KNDC1: variants seen among roughly 807,000 people sequenced by gnomAD.
KNDC1 encodes kinase non-catalytic C-lobe domain containing 1.
Under a neutral mutation model 172.8 loss-of-function variants are expected in KNDC1, and 106 were observed. That is an observed-to-expected ratio of 0.61 (90% confidence interval 0.52 to 0.72). The LOEUF is 0.72. KNDC1 is among the 30% of genes least tolerant of loss of function. The pLI, the probability that KNDC1 is intolerant of heterozygous loss-of-function variation, is 0.00. For synonymous variants in KNDC1, 1,083 were observed against 1,062.2 expected (o/e 1.02, Z -0.38); for missense variants, 2,325 against 2,394.5 (o/e 0.97, Z 0.61).
At chr10:133,160,611 G>T in intron 1 of KNDC1, 42 bp downstream of exon 1, 1 of 1,434,070 alleles carries the variant, frequency 7.0e-7, no homozygotes, top group Non-Finnish European at 9.5e-7. Context: ...CCGCCGCCGA[G>T]GGGTCCGCGG....
intron 1 of KNDC1, among the ~76,000 whole-genome samples, chr10:133,166,361 C>G (rs1460011051): frequency 6.6e-6 from 1 of 152,238 alleles, no homozygotes; most frequent in Non-Finnish European, 1.5e-5. Flanking sequence ...GGGCCTTCAG[C>G]TCCATACTCG....
At position 133,163,194 on chromosome 10, in the gene KNDC1, A is replaced by T. The variant is rs1393805261; in HGVS notation, c.102+2625A>T. Among the ~76,000 whole-genome samples the T allele has an allele frequency of 1.3e-5, 2 of 152,148 alleles. No homozygotes were observed. Among genetic ancestry groups the T allele is most frequent in the Admixed American group, 1.3e-4 (2 of 15,276 alleles). On this transcript the variant is annotated intron_variant, in intron 1 of 29. Transcript: ENST00000304613. This position sits in a 1 kb window ranked among gnomAD's most constrained non-coding sequence, Gnocchi z 4.4. ...ATGGATGGGCAATGCTGGCTGCCCCATGGGAATTCAGATGAGACGAAGAGG... is the reference window on the plus strand; with the variant it reads ...ATGGATGGGCAATGCTGGCTGCCCCTTGGGAATTCAGATGAGACGAAGAGG...
At chr10:133,167,042 C>T (rs566648366) in intron 1 of KNDC1, 1 of 386,338 alleles carries the variant, frequency 2.6e-6, no homozygotes, top group South Asian at 3.0e-5. Context: ...CAGGCCAGTC[C>T]AGCCGTGAGC....
At chr10:133,210,522 A>C (rs1307397725) in intron 20 of KNDC1, 89 bp from the exon 21 acceptor site, 1 of 786,670 alleles carries the variant, frequency 1.3e-6, no homozygotes, top group African/African-American at 1.7e-5. Context: ...ACGCACACAC[A>C]CATACAGTCA....
Position 133,207,364 on chromosome 10 carries a change from A to G in KNDC1, c.3794+13A>G, listed in dbSNP as rs1184481514. Reference sequence around the variant, plus strand: ...ACCTGTACTCCAGGTGCGTTGGGAGAAAAGCTCACCCGGAAAAGGAGACGT... The same window carrying G: ...ACCTGTACTCCAGGTGCGTTGGGAGGAAAGCTCACCCGGAAAAGGAGACGT... On this transcript the variant is annotated intron_variant, in intron 20 of 29. Transcript: ENST00000304613. The G allele has an allele frequency of 1.2e-6, 2 of 1,610,136 alleles. No homozygotes were observed. The highest frequency in any genetic ancestry group is 1.1e-5 in the South Asian group (1 of 90,934).
Position 133,224,512 on chromosome 10 carries a change from A to T in KNDC1, c.5019-147A>T. 1.6e-6 allele frequency: 1 copy of T among 637,802 alleles called. No individual in the cohort carries two copies. The allele number at this position is 637,802 out of a possible 1,614,324, so 39.5% of individuals were successfully genotyped here. On this transcript the variant is annotated intron_variant, in intron 29 of 29. Coordinates refer to ENST00000304613, the MANE Select transcript of KNDC1 (RefSeq NM_152643.8). The surrounding 1 kb of genome is among the most constrained non-coding windows in gnomAD (Gnocchi z 5.4). ...TGAGTAGTGACCTTTCCACCTCGCCAATAAATACAGACAACCCACCCTTCA... is the reference window on the plus strand; with the variant it reads ...TGAGTAGTGACCTTTCCACCTCGCCTATAAATACAGACAACCCACCCTTCA...
chr10:133,182,515 C>A (rs577593268), intron 3 of KNDC1, among the ~76,000 whole-genome samples: 1 of 152,314 alleles, frequency 6.6e-6, no homozygotes, highest in South Asian at 2.1e-4. Context: ...AGCCGCTCTG[C>A]GTTCTGCTTC....
intron 20 of KNDC1, among the ~76,000 whole-genome samples, chr10:133,207,821 G>A (rs1230018802): frequency 6.6e-6 from 1 of 152,198 alleles, no homozygotes; most frequent in African/African-American, 2.4e-5. Flanking sequence ...ACGCTGGTGT[G>A]CGTACGTACG....
rs771704522 is a variant in KNDC1 at position 133,222,009 on chromosome 10, C to T, written c.5018+1897C>T. ...CCTGTAACCCTAGGTGGGCCGGGCG[C>T]GGTGGCTCACGCCAGTAACTCTAAC... On this transcript the variant is annotated intron_variant, in intron 29 of 29. Transcript: ENST00000304613. Among the ~76,000 whole-genome samples, 10 of 143,796 alleles carry T rather than the reference C, an allele frequency of 7.0e-5. 1 individual carries two copies. The highest frequency in any genetic ancestry group is 2.1e-4 in the African/African-American group (8 of 38,962). The allele number at this position is 143,796 out of a possible 152,430, so 94.3% of individuals were successfully genotyped here.
At chr10:133,193,609 G>A (rs956780571) in intron 9 of KNDC1, among the ~76,000 whole-genome samples, 2 of 151,938 alleles carry the variant, frequency 1.3e-5, no homozygotes, top group African/African-American at 4.8e-5. Context: ...AGGAGGAAGA[G>A]AAGAAGAAAG....
Position 133,201,904 on chromosome 10 carries a change from TC to T in KNDC1, c.3387+9del. 6.7e-7 allele frequency: 1 copy of T among 1,499,528 alleles called. No individual in the cohort carries two copies. The highest frequency in any genetic ancestry group is 8.9e-7 in the Non-Finnish European group (1 of 1,125,758). 92.9% of individuals were successfully genotyped at this position (1,499,528 alleles called of 1,614,324 possible). A position where few individuals can be genotyped will look rare whatever the true frequency, so the allele number is the denominator to read the frequency against. Reference sequence around the variant, plus strand: ...TGCCCGACGCCCAGAGCCCGGTGAGTCCCAGGCCTTGGCACTGCCGGGTGGG... The same window carrying T: ...TGCCCGACGCCCAGAGCCCGGTGAGTCCAGGCCTTGGCACTGCCGGGTGGG... On this transcript the variant is annotated splice_region_variant and intron_variant, in intron 17 of 29. Coordinates refer to ENST00000304613, the MANE Select transcript of KNDC1 (RefSeq NM_152643.8).
chr10:133,191,796 C>T (rs1373362612), intron 9 of KNDC1, among the ~76,000 whole-genome samples: 1 of 152,208 alleles, frequency 6.6e-6, no homozygotes, highest in Non-Finnish European at 1.5e-5. Context: ...TGCTCTGCAC[C>T]AACCAAACCC....
At chr10:133,200,545 C>A in intron 16 of KNDC1, 85 bp downstream of exon 16, 1 of 1,088,096 alleles carries the variant, frequency 9.2e-7, no homozygotes, top group Non-Finnish European at 1.2e-6. Flanking sequence ...CCCCAGGGTC[C>A]CAGCAGCCTC....
At chr10:133,178,024 G>C (rs972423271) in intron 3 of KNDC1, among the ~76,000 whole-genome samples, 3 of 148,520 alleles carry the variant, frequency 2.0e-5, no homozygotes, top group African/African-American at 7.5e-5. Context: ...CATGCATGTG[G>C]TATGTGTCAT....
At chr10:133,193,570 AGAAC>A (rs1218582122) in intron 9 of KNDC1, among the ~76,000 whole-genome samples, 1 of 152,174 alleles carries the variant, frequency 6.6e-6, no homozygotes, top group Non-Finnish European at 1.5e-5. Flanking sequence ...GGAAGGAAGA[AGAAC>A]AAGAAGAAGG....
At chr10:133,160,761 G>T (rs1408423843) in intron 1 of KNDC1, among the ~76,000 whole-genome samples, 192 bp downstream of exon 1, 8 of 152,108 alleles carry the variant, frequency 5.3e-5, no homozygotes, top group Non-Finnish European at 1.0e-4. Context: ...CCCCGAATGC[G>T]CACGGGACGG....
chr10:133,220,879 A>T (rs1845573980), intron 29 of KNDC1, among the ~76,000 whole-genome samples: 1 of 152,022 alleles, frequency 6.6e-6, no homozygotes, highest in Non-Finnish European at 1.5e-5. Context: ...GCGCATGCCC[A>T]GGTGGGGCAC....
At chr10:133,182,118 G>T (rs943286208) in intron 3 of KNDC1, among the ~76,000 whole-genome samples, 1 of 152,200 alleles carries the variant, frequency 6.6e-6, no homozygotes. Flanking sequence ...CTGACAGAGA[G>T]GGGGAGTCGG....
At chr10:133,194,327 G>A (rs1377269473) in intron 9 of KNDC1, among the ~76,000 whole-genome samples, 2 of 152,210 alleles carry the variant, frequency 1.3e-5, no homozygotes, top group East Asian at 3.9e-4. Context: ...AAATTTCAAG[G>A]AAATTTTAAA....
Sources: allele counts gnomAD v4.1 joint callset (sites outside exome capture counted in the v4.1 genomes callset), GRCh38; gene constraint gnomAD v4.1.1; non-coding constraint Gnocchi (gnomAD v3.1); transcripts MANE v1.5; gene names NCBI Gene and HGNC (gene_info 2026-07-23, HGNC 2026-07-21).